PEAK1: variants seen among roughly 807,000 people sequenced by gnomAD.
PEAK1 encodes the protein inactive tyrosine-protein kinase PEAK1.
In PEAK1, 54 loss-of-function variants were observed where a neutral mutation model predicts 124.7. The ratio of observed to expected loss-of-function variants is 0.43; its 90% CI spans 0.35 to 0.54. The LOEUF (loss-of-function observed/expected upper bound fraction) is 0.54, where lower values mean the gene tolerates loss of function less well. Among genes scored for constraint, PEAK1 ranks in the 20% least tolerant of loss-of-function variants. The pLI is 0.01. For synonymous variants in PEAK1, 719 were observed against 760.0 expected (o/e 0.95, Z 0.89); for missense variants, 2,046 against 2,134.5 (o/e 0.96, Z 0.82).
chr15:77,337,730 A>G, intron 2 of PEAK1: 1 of 985,380 alleles, frequency 1.0e-6, no homozygotes, highest in Non-Finnish European at 1.2e-6. Flanking sequence ...ACAGTTATGA[A>G]CATAGTGTCA....
At chr15:77,402,630 T>C (rs945946192) in intron 1 of PEAK1, 136 of 984,960 alleles carry the variant, frequency 1.4e-4, no homozygotes, top group Non-Finnish European at 4.5e-5. Flanking sequence ...GGGCATATAA[T>C]GAAAACAGAA....
At chr15:77,310,280 G>A (rs369007308) in intron 2 of PEAK1, among the ~76,000 whole-genome samples, 1 of 152,198 alleles carries the variant, frequency 6.6e-6, no homozygotes, top group East Asian at 1.9e-4. Context: ...ATAGGTTTAA[G>A]TCTGGGGTCC....
chr15:77,352,534 A>G, intron 2 of PEAK1: 3 of 972,260 alleles, frequency 3.1e-6, no homozygotes, highest in Non-Finnish European at 3.7e-6. Flanking sequence ...ATACATTTTA[A>G]ATTTAAAATA....
intron 8 of PEAK1, among the ~76,000 whole-genome samples, chr15:77,142,538 C>T (rs1482430359): frequency 6.6e-6 from 1 of 152,020 alleles, no homozygotes; most frequent in Non-Finnish European, 1.5e-5. Context: ...TTTATAATAG[C>T]CAAAAAGTAG....
At chr15:77,129,592 T>C (rs1467228945) in intron 9 of PEAK1, among the ~76,000 whole-genome samples, 2 of 146,692 alleles carry the variant, frequency 1.4e-5, no homozygotes, top group East Asian at 4.0e-4. Flanking sequence ...CCCGCCACAA[T>C]GACTGGCTAT....
At chr15:77,372,789 A>G (rs2068736588) in intron 1 of PEAK1, among the ~76,000 whole-genome samples, 1 of 152,132 alleles carries the variant, frequency 6.6e-6, no homozygotes, top group African/African-American at 2.4e-5. Flanking sequence ...ATGGTTTAGC[A>G]CCATCCCCCT....
At chr15:77,215,578 A>G (rs2059113651) in intron 6 of PEAK1, among the ~76,000 whole-genome samples, 1 of 152,256 alleles carries the variant, frequency 6.6e-6, no homozygotes, top group Non-Finnish European at 1.5e-5. Flanking sequence ...ATGACAATAA[A>G]AAGTCTGTAC....
At chr15:77,334,828 C>T (rs2066098365) in intron 2 of PEAK1, 1 of 985,232 alleles carries the variant, frequency 1.0e-6, no homozygotes, top group Non-Finnish European at 1.2e-6. Flanking sequence ...CTATTCACTG[C>T]ATCCAGAGAT....
At chr15:77,120,264 G>A (rs1278647114) in intron 9 of PEAK1, among the ~76,000 whole-genome samples, 1 of 152,092 alleles carries the variant, frequency 6.6e-6, no homozygotes, top group Admixed American at 6.6e-5. Context: ...ATACACTACT[G>A]ACTTCCGTGT....
chr15:77,250,252 TA>T (rs1195900531), intron 6 of PEAK1, among the ~76,000 whole-genome samples: 1,013 of 71,174 alleles, frequency 0.014, 22 homozygotes, highest in African/African-American at 0.024. Flanking sequence ...TATATATATA[TA>T]TATATTTTTT....
intron 5 of PEAK1, among the ~76,000 whole-genome samples, chr15:77,262,973 G>A (rs2061521426): frequency 6.6e-6 from 1 of 152,098 alleles, no homozygotes; most frequent in African/African-American, 2.4e-5. Flanking sequence ...TCAGCTACAT[G>A]GAAACTGAAC....
rs113135089 is a variant in PEAK1 at position 77,214,603 on chromosome 15, G to A, written c.-114-32563C>T. 4.7e-3 allele frequency among the ~76,000 whole-genome samples: 705 copies of A among 148,794 alleles called. 1 individual carries two copies. The highest frequency in any genetic ancestry group is 0.017 in the African/African-American group (670 of 40,326). On this transcript the variant is annotated intron_variant, in intron 6 of 9. Transcript: ENST00000682557. ...CGCACCACTACACTCCAGCCTAGGC[G>A]ACAGAGCAAGACTCTGTCTCCAAAA...
intron 6 of PEAK1, among the ~76,000 whole-genome samples, chr15:77,221,503 T>A (rs747615488): frequency 6.6e-6 from 1 of 152,088 alleles, no homozygotes; most frequent in Non-Finnish European, 1.5e-5. Context: ...AATGATAGTA[T>A]TGCTAAGCCC....
chr15:77,174,805 G>A (rs2056745053), intron 7 of PEAK1, among the ~76,000 whole-genome samples: 1 of 152,104 alleles, frequency 6.6e-6, no homozygotes. Flanking sequence ...TCAATCCTAA[G>A]CCAAAAGAAC....
chr15:77,297,944 G>A (rs2063574330), intron 2 of PEAK1, among the ~76,000 whole-genome samples: 1 of 149,180 alleles, frequency 6.7e-6, no homozygotes, highest in South Asian at 2.1e-4. Flanking sequence ...TGTAGTCCCA[G>A]CTACTCGGGA....
chr15:77,335,439 A>G, intron 2 of PEAK1: 9 of 985,378 alleles, frequency 9.1e-6, no homozygotes, highest in East Asian at 1.1e-4. Context: ...ATTTTGCCCA[A>G]TACTGTTGTC....
At position 77,418,203 on chromosome 15, in the gene PEAK1, T is replaced by C. The variant is rs534895396; in HGVS notation, c.-666+1803A>G. 1.3e-4 allele frequency: 127 copies of C among 985,420 alleles called. 1 individual carries two copies. In the South Asian group the frequency reaches 4.9e-3, roughly 38 times the overall value. The allele number at this position is 985,420 out of a possible 1,614,324, so 61.0% of individuals were successfully genotyped here. A position where few individuals can be genotyped will look rare whatever the true frequency, so the allele number is the denominator to read the frequency against. On this transcript the variant is annotated intron_variant, in intron 1 of 9. Coordinates refer to ENST00000682557, the MANE Select transcript of PEAK1 (RefSeq NM_001385026.1). ...TAATAGTTCAAAGTGATCTTATCTT[T>C]TTCTTTCACCAAAACACTTCTCTTC...
At position 77,179,669 on chromosome 15, in the gene PEAK1, ATCTGAGAC is replaced by A; in HGVS notation, c.2250_2257del (p.Glu750AspfsTer37). The A allele has an allele frequency of 1.2e-6, 2 of 1,614,084 alleles. No individual in the cohort carries two copies. Among genetic ancestry groups the A allele is most frequent in the Non-Finnish European group, 1.7e-6 (2 of 1,180,024 alleles). ...CTCTCTGGTGCTGCTGCTGCCCACC[ATCTGAGAC>A]TCCTGAGTGCCTTCTATTTTGGCCA... On this transcript the variant is annotated frameshift_variant, in exon 7 of 10. Transcript: ENST00000682557. LOFTEE classifies it high-confidence loss of function.
chr15:77,418,766 A>G, intron 1 of PEAK1: 1 of 985,374 alleles, frequency 1.0e-6, no homozygotes, highest in Non-Finnish European at 1.2e-6. Context: ...TCACTTCCAC[A>G]CTGCAGAGAG....
Sources: gnomAD v4.1 joint callset for allele counts (sites outside exome capture counted in the v4.1 genomes callset) on GRCh38, gnomAD v4.1.1 for gene constraint, MANE v1.5 for transcripts, NCBI Gene and HGNC (gene_info 2026-07-23, HGNC 2026-07-21) for gene names.